The following DENND1B variants were observed in gnomAD, a reference collection of about 807,000 sequenced individuals.
DENND1B encodes the protein DENN domain-containing protein 1B.
Under a neutral mutation model 90.1 loss-of-function variants are expected in DENND1B, and 59 were observed. That is an observed-to-expected ratio of 0.65 (90% CI 0.53 to 0.81). The LOEUF (loss-of-function observed/expected upper bound fraction) is 0.81. DENND1B is among the 40% of genes least tolerant of loss of function. The pLI is 0.00. For missense variants in DENND1B, 862 were observed against 912.6 expected (o/e 0.94, Z 0.71); for synonymous variants, 337 against 324.6 (o/e 1.04, Z -0.41).
intron 3 of DENND1B, among the ~76,000 whole-genome samples, chr1:197,700,907 T>C (rs951737371): frequency 6.6e-6 from 1 of 152,096 alleles, no homozygotes; most frequent in Non-Finnish European, 1.5e-5. Context: ...ACAGTCAGCA[T>C]GGTAATTATT....
Position 197,730,142 on chromosome 1 carries a change from A to AGAT in DENND1B, c.83-15071_83-15069dup, listed in dbSNP as rs540186489. The stretch of plus-strand genomic sequence containing the variant: ...TGGTATAAAACTTGTTTTCTAATTA[A>AGAT]GATTTTCTTTAAAACCTGAGAAAAA... On this transcript the variant is annotated intron_variant, in intron 2 of 22. Transcript: ENST00000620048. Among the ~76,000 whole-genome samples, 56 of 152,242 alleles carry AGAT rather than the reference A, an allele frequency of 3.7e-4. No homozygotes were observed. The East Asian group carries it at 0.01, about 28-fold the overall frequency.
chr1:197,753,231 G>T (rs1009298999), intron 2 of DENND1B, among the ~76,000 whole-genome samples: 8 of 152,002 alleles, frequency 5.3e-5, no homozygotes, highest in African/African-American at 1.9e-4. Flanking sequence ...AATATAAAAT[G>T]CACCAAAGAA....
intron 2 of DENND1B, among the ~76,000 whole-genome samples, chr1:197,729,114 C>T (rs965244569): frequency 6.6e-6 from 1 of 152,110 alleles, no homozygotes; most frequent in Admixed American, 6.6e-5. Context: ...TGCTATGAGA[C>T]CTTCCCAAAA....
At chr1:197,585,003 A>C (rs1674574885) in intron 14 of DENND1B, among the ~76,000 whole-genome samples, 1 of 152,186 alleles carries the variant, frequency 6.6e-6, no homozygotes, top group South Asian at 2.1e-4. Flanking sequence ...GCTACAGATG[A>C]CCTTTAAATT....
intron 2 of DENND1B, among the ~76,000 whole-genome samples, chr1:197,750,747 A>G (rs895870360): frequency 3.3e-5 from 5 of 152,158 alleles, no homozygotes; most frequent in Non-Finnish European, 7.4e-5. Context: ...CATCACAAGC[A>G]AATTTCTGAA....
At chr1:197,695,784 A>G (rs1250568047) in intron 3 of DENND1B, among the ~76,000 whole-genome samples, 1 of 151,254 alleles carries the variant, frequency 6.6e-6, no homozygotes, top group Non-Finnish European at 1.5e-5. Flanking sequence ...ACGATCATTT[A>G]AATATTTATT....
intron 11 of DENND1B, among the ~76,000 whole-genome samples, chr1:197,617,119 G>A (rs1251090570): frequency 1.3e-5 from 2 of 151,052 alleles, no homozygotes; most frequent in African/African-American, 4.8e-5. Context: ...GCTTTTCATG[G>A]TGGATCAAGG....
intron 1 of DENND1B, among the ~76,000 whole-genome samples, chr1:197,774,881 C>A (rs1275232324): frequency 1.3e-5 from 2 of 152,078 alleles, no homozygotes; most frequent in Non-Finnish European, 2.9e-5. Context: ...CGGGCGTCGA[C>A]AAGGCGCTAG....
chr1:197,544,665 CTGA>C (rs1432613227), intron 18 of DENND1B, among the ~76,000 whole-genome samples: 1 of 148,050 alleles, frequency 6.8e-6, no homozygotes, highest in Non-Finnish European at 1.5e-5. Context: ...TTAACACAAG[CTGA>C]TAAGCTAAAA....
At chr1:197,628,419 A>T (rs1044601610) in intron 10 of DENND1B, among the ~76,000 whole-genome samples, 1 of 152,186 alleles carries the variant, frequency 6.6e-6, no homozygotes, top group African/African-American at 2.4e-5. Context: ...AAAACAAGCA[A>T]TGGGGAAACG....
rs992648738 is a variant in DENND1B, at chr1:197,652,261, C to A, written c.421G>T (p.Ala141Ser). 1.2e-6 allele frequency: 2 copies of A among 1,610,888 alleles called. No individual in the cohort carries two copies. Among genetic ancestry groups the A allele is most frequent in the Non-Finnish European group, 1.7e-6 (2 of 1,178,834 alleles). ...RSLYNHPVPKANTPVNLSVNQ... is the reference protein window; with the variant it reads ...RSLYNHPVPKSNTPVNLSVNQ... ...ACACTCAAATTTACAGGAGTATTTG[C>A]CTTTGGTACTGGGTGGTTATACAGT... The change falls in exon 7 of 23, where the codon GCA becomes TCA. Residue 141 changes from alanine to serine, a missense_variant. Coordinates refer to ENST00000620048, the MANE Select transcript of DENND1B (RefSeq NM_001195215.2).
intron 1 of DENND1B, 88 bp from the exon 2 acceptor site, chr1:197,773,020 T>A: frequency 9.0e-7 from 1 of 1,113,872 alleles, no homozygotes; most frequent in Non-Finnish European, 1.3e-6. Context: ...ACTAATCTTG[T>A]TTTTGTCTCA....
intron 3 of DENND1B, among the ~76,000 whole-genome samples, chr1:197,680,724 G>GCA (rs548387615): frequency 1.3e-4 from 20 of 152,040 alleles, no homozygotes; most frequent in Non-Finnish European, 5.9e-5. Flanking sequence ...ATGTACACAA[G>GCA]CACACACACA....
intron 15 of DENND1B, among the ~76,000 whole-genome samples, chr1:197,561,298 T>C (rs1672142654): frequency 6.6e-6 from 1 of 151,878 alleles, no homozygotes; most frequent in African/African-American, 2.4e-5. Context: ...CTAAATCCAG[T>C]AATCAATGCT....
intron 21 of DENND1B, 52 bp from the exon 22 acceptor site, chr1:197,511,996 T>C (rs1366213293): frequency 5.8e-6 from 8 of 1,386,758 alleles, no homozygotes; most frequent in East Asian, 4.6e-5. Flanking sequence ...ATTTGCTGCA[T>C]GTAAGTAATC....
intron 15 of DENND1B, among the ~76,000 whole-genome samples, chr1:197,558,800 C>T (rs553856930): frequency 2.6e-5 from 4 of 151,870 alleles, no homozygotes; most frequent in South Asian, 2.1e-4. Flanking sequence ...CCACCTAATA[C>T]GACACTGAGT....
At chr1:197,750,543 A>T (rs1653331715) in intron 2 of DENND1B, among the ~76,000 whole-genome samples, 1 of 151,514 alleles carries the variant, frequency 6.6e-6, no homozygotes, top group African/African-American at 2.4e-5. Context: ...AAAGGCAATG[A>T]TTGTTAGACT....
chr1:197,678,414 T>C (rs1363737336), intron 3 of DENND1B, among the ~76,000 whole-genome samples: 1 of 152,176 alleles, frequency 6.6e-6, no homozygotes, highest in Non-Finnish European at 1.5e-5. Flanking sequence ...TACTTGTCCA[T>C]TTTAATCGAA....
At chr1:197,701,494 A>G (rs1659023966) in intron 3 of DENND1B, among the ~76,000 whole-genome samples, 2 of 152,098 alleles carry the variant, frequency 1.3e-5, no homozygotes, top group Non-Finnish European at 1.5e-5. Flanking sequence ...CCACCCTGGC[A>G]CATGTATGCC....
Sources: allele counts gnomAD v4.1 joint callset (sites outside exome capture counted in the v4.1 genomes callset), GRCh38; gene constraint gnomAD v4.1.1; transcripts MANE v1.5; gene names NCBI Gene and HGNC (gene_info 2026-07-23, HGNC 2026-07-21).